Variants in EHD4 observed in about 807,000 individuals in gnomAD.
The protein encoded by EHD4 is EH domain containing 4.
EHD4 carries 37 observed loss-of-function variants against 51.0 expected under a neutral mutation model. The ratio of observed to expected loss-of-function variants is 0.73; its 90% CI spans 0.56 to 0.95. The LOEUF (loss-of-function observed/expected upper bound fraction) is 0.95. EHD4 is among the 40% of genes least tolerant of loss of function. The pLI, the probability that EHD4 is intolerant of heterozygous loss-of-function variation, is 0.00. For synonymous variants in EHD4, 297 were observed against 317.3 expected, an observed-to-expected ratio of 0.94 and a Z score of 0.68; for missense variants, 632 against 733.1, an observed-to-expected ratio of 0.86 and a Z score of 1.59.
intron 3 of EHD4, among the ~76,000 whole-genome samples, chr15:41,920,784 A>G (rs868107084): frequency 2.0e-5 from 3 of 152,268 alleles, no homozygotes; most frequent in Non-Finnish European, 4.4e-5. Flanking sequence ...CCAGAAAAGA[A>G]CAAGAGTAAA....
At chr15:41,964,962 G>A (rs1025107998) in intron 1 of EHD4, among the ~76,000 whole-genome samples, 3 of 151,724 alleles carry the variant, frequency 2.0e-5, no homozygotes, top group Non-Finnish European at 2.9e-5. Context: ...TTTTAGAGAT[G>A]GGGCTCACCA....
chr15:41,966,566 A>T (rs1000282949), intron 1 of EHD4, among the ~76,000 whole-genome samples: 2 of 152,060 alleles, frequency 1.3e-5, no homozygotes. Context: ...CTCAAGCCTG[A>T]GACTTTTACT....
chr15:41,901,289 A>G (rs1215144229), intron 5 of EHD4, 108 bp from the exon 6 acceptor site: 14 of 1,234,076 alleles, frequency 1.1e-5, no homozygotes, highest in Non-Finnish European at 1.3e-5. Context: ...CGTCCCACCC[A>G]CTACTCAGGA....
intron 2 of EHD4, among the ~76,000 whole-genome samples, chr15:41,945,562 T>G (rs1354596641): frequency 6.6e-6 from 1 of 152,158 alleles, no homozygotes; most frequent in Non-Finnish European, 1.5e-5. Context: ...GCTGGGGTTT[T>G]GGGTGCACAG....
rs375608678 is a variant in EHD4, at chr15:41,968,920, C to T, written c.236+3339G>A. Among the ~76,000 whole-genome samples, 18 of 152,320 alleles carry T rather than the reference C, an allele frequency of 1.2e-4. No homozygotes were observed. In the East Asian group the frequency reaches 2.3e-3, roughly 20 times the overall value. On this transcript the variant is annotated intron_variant, in intron 1 of 5. Transcript: ENST00000220325. Reference sequence around the variant, plus strand: ...TTCATCACATCAAAGAGAAACTCCACGCCCACTAACAGTCATTCTCTATTT... The same window carrying T: ...TTCATCACATCAAAGAGAAACTCCATGCCCACTAACAGTCATTCTCTATTT...
chr15:41,917,124 T>TTTAA (rs1171254368), intron 4 of EHD4, among the ~76,000 whole-genome samples: 1 of 140,982 alleles, frequency 7.1e-6, no homozygotes, highest in Non-Finnish European at 1.6e-5. Context: ...TATTTATTTA[T>TTTAA]TTATTTATTT....
rs148671162 is a variant in EHD4 at position 41,965,422 on chromosome 15, G to A, written c.236+6837C>T. 1.7e-3 allele frequency among the ~76,000 whole-genome samples: 256 copies of A among 152,270 alleles called. 1 individual carries two copies. The highest frequency in any genetic ancestry group is 3.2e-3 in the Non-Finnish European group (217 of 68,018). On this transcript the variant is annotated intron_variant, in intron 1 of 5. Coordinates refer to ENST00000220325, the MANE Select transcript of EHD4 (RefSeq NM_139265.4). Reference sequence around the variant, plus strand: ...AATGTGAACAGATGGGGTTTGGAACGGATGGAAGGTTCAGCAAAGTCAGCC... The same window carrying A: ...AATGTGAACAGATGGGGTTTGGAACAGATGGAAGGTTCAGCAAAGTCAGCC...
chr15:41,953,971 G>T lies in EHD4; in HGVS notation c.237-31C>A, dbSNP rs372497098. ...AGAGGGAAGAAGAAGAGAAAGCTTA[G>T]CATCTTATCACAAAGTAAGAGGCCA... On this transcript the variant is annotated intron_variant, in intron 1 of 5. Transcript: ENST00000220325. 3.1e-6 allele frequency: 5 copies of T among 1,603,438 alleles called. No individual in the cohort carries two copies. In the African/African-American group the frequency reaches 6.7e-5, roughly 22 times the overall value.
chr15:41,962,822 T>G (rs529683574), intron 1 of EHD4, among the ~76,000 whole-genome samples: 5 of 152,048 alleles, frequency 3.3e-5, no homozygotes, highest in Non-Finnish European at 7.4e-5. Flanking sequence ...GAACGGGCCA[T>G]GATGAGGATG....
intron 3 of EHD4, among the ~76,000 whole-genome samples, chr15:41,931,889 C>G (rs545596426): frequency 3.9e-5 from 6 of 152,148 alleles, no homozygotes; most frequent in Non-Finnish European, 7.4e-5. Flanking sequence ...GTTGGTCAGG[C>G]TGGTCTCCAA....
intron 3 of EHD4, among the ~76,000 whole-genome samples, chr15:41,932,220 G>A (rs374257881): frequency 5.3e-5 from 8 of 152,264 alleles, no homozygotes; most frequent in African/African-American, 1.9e-4. Context: ...TACAGACATG[G>A]ACAAGCTCCA....
At chr15:41,959,422 A>T (rs1025538953) in intron 1 of EHD4, among the ~76,000 whole-genome samples, 1 of 145,140 alleles carries the variant, frequency 6.9e-6, no homozygotes, top group Admixed American at 6.9e-5. Context: ...AAAAAAAAAA[A>T]AGAAATGGTT....
At chr15:41,947,913 G>A (rs1278901028) in intron 2 of EHD4, among the ~76,000 whole-genome samples, 1 of 152,204 alleles carries the variant, frequency 6.6e-6, no homozygotes, top group Non-Finnish European at 1.5e-5. Flanking sequence ...AGGGAGAAAG[G>A]CATTTCTGGA....
chr15:41,932,796 C>T (rs539295570), intron 3 of EHD4, among the ~76,000 whole-genome samples: 13 of 152,264 alleles, frequency 8.5e-5, no homozygotes, highest in Non-Finnish European at 1.3e-4. Flanking sequence ...ACCCTCACCG[C>T]CCCTGCTTTG....
At chr15:41,938,766 T>C (rs890443235) in intron 3 of EHD4, among the ~76,000 whole-genome samples, 4 of 152,200 alleles carry the variant, frequency 2.6e-5, no homozygotes, top group Admixed American at 2.0e-4. Context: ...CAAGAAACCA[T>C]AGGAATAATC....
In EHD4 at chr15:41,954,578, A is replaced by G. The variant is rs769436519; in HGVS notation, c.237-638T>C. 1.8e-4 allele frequency among the ~76,000 whole-genome samples: 28 copies of G among 152,260 alleles called. 1 individual carries two copies. The highest frequency in any genetic ancestry group is 3.8e-4 in the Non-Finnish European group (26 of 68,048). On this transcript the variant is annotated intron_variant, in intron 1 of 5. Coordinates refer to ENST00000220325, the MANE Select transcript of EHD4 (RefSeq NM_139265.4). ...CAAATACAATTTTTCCATCTTTAAA[A>G]GAATGAGAAATTAAGCCACCATTTA...
Position 41,932,402 on chromosome 15 carries a change from T to G in EHD4, c.511+10665A>C, listed in dbSNP as rs144450019. Among the ~76,000 whole-genome samples the G allele has an allele frequency of 5.9e-3, 893 of 152,334 alleles. 3 individuals are homozygous for G. The highest frequency in any genetic ancestry group is 9.2e-3 in the Non-Finnish European group (629 of 68,032). ...GTACAGACATTCTTCACTATCTTTT[T>G]GTAGCCTTTTGTCCCAAGCACATAC... On this transcript the variant is annotated intron_variant, in intron 3 of 5. Coordinates refer to ENST00000220325, the MANE Select transcript of EHD4 (RefSeq NM_139265.4).
intron 1 of EHD4, among the ~76,000 whole-genome samples, chr15:41,962,770 G>C (rs191527389): frequency 1.3e-5 from 2 of 152,128 alleles, no homozygotes; most frequent in South Asian, 2.1e-4. Context: ...CCCTCTGCCC[G>C]GCCGCCACCC....
Position 41,939,856 on chromosome 15 carries a change from G to A in EHD4, c.511+3211C>T, listed in dbSNP as rs1243892569. 3.3e-5 allele frequency among the ~76,000 whole-genome samples: 5 copies of A among 152,084 alleles called. No individual in the cohort carries two copies. In the East Asian group the frequency reaches 7.7e-4, roughly 24 times the overall value. On this transcript the variant is annotated intron_variant, in intron 3 of 5. Coordinates refer to ENST00000220325, the MANE Select transcript of EHD4 (RefSeq NM_139265.4). ...AATTGAACTAAGGAAAACTTGAGGG[G>A]TAAGGAGTTTCCATACGGAGTAGTA... is the stretch of plus-strand genomic sequence containing the variant.
Sources: gnomAD v4.1 joint callset for allele counts (sites outside exome capture counted in the v4.1 genomes callset) on GRCh38, gnomAD v4.1.1 for gene constraint, MANE v1.5 for transcripts, NCBI Gene and HGNC (gene_info 2026-07-23, HGNC 2026-07-21) for gene names.